The following MINK1 variants were observed in gnomAD, a reference collection of about 807,000 sequenced individuals.
The protein encoded by MINK1 is misshapen-like kinase 1.
Under a neutral mutation model 178.4 loss-of-function variants are expected in MINK1, and 46 were observed. That is an observed-to-expected ratio of 0.26 (90% CI 0.20 to 0.33). The LOEUF (loss-of-function observed/expected upper bound fraction) is 0.33. Ranked by LOEUF, MINK1 falls within the 10% of genes least tolerant of loss-of-function variation. The pLI is 1.00. For synonymous variants in MINK1, 797 were observed against 709.7 expected (o/e 1.12, Z -1.96); for missense variants, 1,366 against 1,814.9 (o/e 0.75, Z 4.49).
At chr17:4,849,793 G>T (rs546059155) in intron 1 of MINK1, among the ~76,000 whole-genome samples, 71 of 151,998 alleles carry the variant, frequency 4.7e-4, no homozygotes, top group African/African-American at 1.5e-3. Flanking sequence ...GGCTAGTCTC[G>T]AACTCCCGGC....
At position 4,891,525 on chromosome 17, in the gene MINK1, G is replaced by A. The variant is rs774288331; in HGVS notation, c.1810G>A (p.Asp604Asn). 6.2e-7 allele frequency: 1 copy of A among 1,611,852 alleles called. No individual in the cohort carries two copies. Among genetic ancestry groups the A allele is most frequent in the Non-Finnish European group, 8.5e-7 (1 of 1,179,234 alleles). ...APVPRSQSLQ[D>N]QPTRNLAAFP... Reference sequence around the variant, plus strand: ...TGTACCCCGATCCCAGTCCCTGCAGGACCAGCCCACCCGAAACCTGGCTGC... The same window carrying A: ...TGTACCCCGATCCCAGTCCCTGCAGAACCAGCCCACCCGAAACCTGGCTGC... The change falls in exon 16 of 32, where the codon GAC becomes AAC. Residue 604 changes from aspartate to asparagine, a missense_variant. By Grantham distance (23) the Asp-to-Asn change is conservative. Around this residue, in one of 14 missense-constraint regions of MINK1, gnomAD observed 709 missense variants for 692.3 expected, o/e 1.02. Transcript: ENST00000355280.
At chr17:4,867,160 T>G (rs1229305093) in intron 1 of MINK1, among the ~76,000 whole-genome samples, 1 of 142,278 alleles carries the variant, frequency 7.0e-6, no homozygotes, top group Non-Finnish European at 1.5e-5. Flanking sequence ...TTTTTTTTTT[T>G]TTTTTAAGCC....
In MINK1 at chr17:4,895,218, G is replaced by A; in HGVS notation, c.3061G>A (p.Glu1021Lys). The A allele has an allele frequency of 6.2e-6, 10 of 1,614,124 alleles. No individual in the cohort carries two copies. Among genetic ancestry groups the A allele is most frequent in the South Asian group, 1.1e-5 (1 of 91,078 alleles). ...IRKYKKRFNSEILCAALWGVN... is the reference protein window; with the variant it reads ...IRKYKKRFNSKILCAALWGVN... The stretch of plus-strand genomic sequence containing the variant: ...GAAGTACAAGAAGCGATTCAACTCC[G>A]AGATCCTCTGTGCAGCCCTTTGGGG... The change falls in exon 25 of 32, where the codon GAG (glutamate) becomes AAG (lysine). Residue 1021 changes from glutamate to lysine, a missense_variant. This residue lies in a region of MINK1 where 42 missense variants were observed against 64.0 expected (regional missense o/e 0.66). Transcript: ENST00000355280. The surrounding 1 kb of genome is among the most constrained non-coding windows in gnomAD (Gnocchi z 4.3).
chr17:4,893,194 T>G, intron 20 of MINK1, 127 bp downstream of exon 20: 1 of 1,549,016 alleles, frequency 6.5e-7, no homozygotes, highest in South Asian at 1.1e-5. Context: ...GAGGGACTGG[T>G]GCTTCTCATG....
At chr17:4,880,406 C>A in intron 2 of MINK1, among the ~76,000 whole-genome samples, 1 of 150,538 alleles carries the variant, frequency 6.6e-6, no homozygotes, top group Non-Finnish European at 1.5e-5. Flanking sequence ...GTGCCTCAGC[C>A]TCCTGAGTAG....
rs1451988689 is a variant in MINK1, at chr17:4,897,362, C to T, written c.*75C>T. 7 of 1,384,960 alleles carry T rather than the reference C, an allele frequency of 5.1e-6. No homozygotes were observed. The highest frequency in any genetic ancestry group is 2.4e-5 in the South Asian group (2 of 83,804). 85.8% of individuals were successfully genotyped at this position (1,384,960 alleles called of 1,614,324 possible). A position where few individuals can be genotyped will look rare whatever the true frequency, so the allele number is the denominator to read the frequency against. ...CAGCCAGGCTTCCCGGGCCGCCCCT[C>T]TTTCCCCTCCCTGGGCTTTTGCTTT... On this transcript the variant is annotated 3_prime_UTR_variant, in exon 32 of 32. Transcript: ENST00000355280.
intron 1 of MINK1, among the ~76,000 whole-genome samples, chr17:4,862,722 A>AT (rs1914367536): frequency 6.6e-6 from 1 of 151,812 alleles, no homozygotes; most frequent in Admixed American, 6.6e-5. Context: ...TGTCAATATT[A>AT]TTTTTTATTT....
intron 20 of MINK1, 23 bp downstream of exon 20, chr17:4,893,090 T>G (rs376402224): frequency 2.6e-6 from 4 of 1,546,998 alleles, no homozygotes; most frequent in South Asian, 1.2e-5. Context: ...GTGGCAGGCA[T>G]GGCCTGCCTC....
At chr17:4,849,088 TGTA>T (rs1280972060) in intron 1 of MINK1, among the ~76,000 whole-genome samples, 4 of 152,146 alleles carry the variant, frequency 2.6e-5, no homozygotes, top group African/African-American at 9.7e-5. Context: ...GAGCCCCAGG[TGTA>T]GACCTGGAAT....
At chr17:4,856,521 A>G (rs1913180356) in intron 1 of MINK1, among the ~76,000 whole-genome samples, 1 of 151,542 alleles carries the variant, frequency 6.6e-6, no homozygotes, top group African/African-American at 2.4e-5. Context: ...CGGGCTGGAG[A>G]GGGTGGTTCC....
intron 1 of MINK1, among the ~76,000 whole-genome samples, chr17:4,845,870 G>A (rs948224936): frequency 1.3e-5 from 2 of 152,182 alleles, no homozygotes; most frequent in African/African-American, 4.8e-5. Flanking sequence ...TCAAACTCCT[G>A]ACCTCAAGTG....
intron 1 of MINK1, among the ~76,000 whole-genome samples, chr17:4,864,445 C>T (rs1027619372): frequency 2.6e-5 from 4 of 151,558 alleles, no homozygotes; most frequent in Admixed American, 6.6e-5. Context: ...CTATGGGGGC[C>T]GGGCCTGGTG....
At position 4,889,635 on chromosome 17, in the gene MINK1, C is replaced by T. The variant is rs1167440011; in HGVS notation, c.1231-12C>T. 2 of 1,571,320 alleles carry T rather than the reference C, an allele frequency of 1.3e-6. No individual in the cohort carries two copies. The highest frequency in any genetic ancestry group is 1.7e-6 in the Non-Finnish European group (2 of 1,159,496). On this transcript the variant is annotated splice_polypyrimidine_tract_variant and intron_variant, in intron 12 of 31. Transcript: ENST00000355280. Reference sequence around the variant, plus strand: ...CGGTATGGTTCTTAAGACCACCTGGCTCTCCCCACAGCAACAGCGGCGGGA... The same window carrying T: ...CGGTATGGTTCTTAAGACCACCTGGTTCTCCCCACAGCAACAGCGGCGGGA...
In MINK1 at chr17:4,896,635, G is replaced by C. The variant is rs770993654; in HGVS notation, c.3776-39G>C. On this transcript the variant is annotated intron_variant, in intron 30 of 31. Transcript: ENST00000355280. This position sits in a 1 kb window ranked among gnomAD's most constrained non-coding sequence, Gnocchi z 4.6. ...CAGCCACATGCCCCGAGGTGGCCCC[G>C]GGGTGCAGCCTGCTCAGCCCCTCAC... 3 of 1,610,254 alleles carry C rather than the reference G, an allele frequency of 1.9e-6. No homozygotes were observed. Among genetic ancestry groups the C allele is most frequent in the Admixed American group, 1.7e-5 (1 of 59,836 alleles).
Position 4,896,318 on chromosome 17 carries a change from C to T in MINK1, c.3591C>T (p.Ser1197=). The change falls in exon 29 of 32, where the codon AGC becomes AGT. Residue 1197 remains serine, a synonymous_variant. Coordinates refer to ENST00000355280, the MANE Select transcript of MINK1 (RefSeq NM_153827.5). The surrounding 1 kb of genome is among the most constrained non-coding windows in gnomAD (Gnocchi z 4.6). The part of the protein sequence containing the change: ...FHAVDVDSGN[S]YDIYIPVHIQ... ...CTGTGGATGTCGACTCGGGGAACAGCTATGACATCTACATCCCTGTGCACG... is the reference window on the plus strand; with the variant it reads ...CTGTGGATGTCGACTCGGGGAACAGTTATGACATCTACATCCCTGTGCACG... The T allele has an allele frequency of 6.3e-7, 1 of 1,599,350 alleles. No homozygotes were observed. Among genetic ancestry groups the T allele is most frequent in the East Asian group, 2.2e-5 (1 of 44,840 alleles).
chr17:4,871,781 T>G (rs1373851617), intron 1 of MINK1, among the ~76,000 whole-genome samples: 2 of 152,190 alleles, frequency 1.3e-5, no homozygotes, highest in Non-Finnish European at 2.9e-5. Context: ...CCATTTTACA[T>G]TCCCAGCAGC....
In MINK1 at chr17:4,887,278, G is replaced by A; in HGVS notation, c.1019+99G>A. ...GGGGACTCTCAGCCTGGGGGTGGTGGGCACAGAGAGGTAGAGACTCCTGGA... is the reference window on the plus strand; with the variant it reads ...GGGGACTCTCAGCCTGGGGGTGGTGAGCACAGAGAGGTAGAGACTCCTGGA... On this transcript the variant is annotated intron_variant, in intron 11 of 31. Coordinates refer to ENST00000355280, the MANE Select transcript of MINK1 (RefSeq NM_153827.5). This position sits in a 1 kb window ranked among gnomAD's most constrained non-coding sequence, Gnocchi z 7.6. The A allele has an allele frequency of 2.4e-6, 3 of 1,259,788 alleles. No individual in the cohort carries two copies. The highest frequency in any genetic ancestry group is 2.3e-6 in the Non-Finnish European group (2 of 887,984). 78.0% of individuals were successfully genotyped at this position (1,259,788 alleles called of 1,614,324 possible). A position where few individuals can be genotyped will look rare whatever the true frequency, so the allele number is the denominator to read the frequency against.
chr17:4,862,783 G>A (rs1022246602), intron 1 of MINK1, among the ~76,000 whole-genome samples: 1 of 152,136 alleles, frequency 6.6e-6, no homozygotes, highest in Non-Finnish European at 1.5e-5. Context: ...TGTAATTCTA[G>A]CACTTTGTGT....
Position 4,884,341 on chromosome 17 carries a change from C to G in MINK1, c.307-22C>G, listed in dbSNP as rs375823541. The G allele has an allele frequency of 3.7e-6, 6 of 1,600,642 alleles. No individual in the cohort carries two copies. In the East Asian group the frequency reaches 1.1e-4, roughly 30 times the overall value. On this transcript the variant is annotated intron_variant, in intron 4 of 31. Coordinates refer to ENST00000355280, the MANE Select transcript of MINK1 (RefSeq NM_153827.5). ...CTTGTCTGACTGATACTTTTCCTTT[C>G]GGTACCTTCCTGGGATCCTAGCTGG...
Sources: allele counts gnomAD v4.1 joint callset (sites outside exome capture counted in the v4.1 genomes callset), GRCh38; gene constraint gnomAD v4.1.1; regional missense constraint gnomAD v4.1.1; non-coding constraint Gnocchi (gnomAD v3.1); transcripts MANE v1.5; gene names NCBI Gene and HGNC (gene_info 2026-07-23, HGNC 2026-07-21).